Variants in WDR19 observed in about 807,000 individuals in gnomAD.
WDR19 encodes the protein WD repeat-containing protein 19.
In WDR19, 121 loss-of-function variants were observed where a neutral mutation model predicts 180.0. The ratio of observed to expected loss-of-function variants is 0.67; its 90% CI spans 0.58 to 0.78. The LOEUF (loss-of-function observed/expected upper bound fraction) is 0.78, where lower values mean the gene tolerates loss of function less well. Among genes scored for constraint, WDR19 ranks in the 30% least tolerant of loss-of-function variants. The pLI is 0.00. For synonymous variants in WDR19, 497 were observed against 540.7 expected (o/e 0.92, Z 1.12); for missense variants, 1,450 against 1,640.7 (o/e 0.88, Z 2.01).
At chr4:39,188,512 G>C (rs1437638913) in intron 3 of WDR19, among the ~76,000 whole-genome samples, 1 of 151,046 alleles carries the variant, frequency 6.6e-6, no homozygotes, top group African/African-American at 2.4e-5. Context: ...CCTGGAATTC[G>C]AGGTTATAGT....
chr4:39,197,390 C>T (rs1260583209), intron 5 of WDR19, among the ~76,000 whole-genome samples: 1 of 143,912 alleles, frequency 6.9e-6, no homozygotes, highest in Non-Finnish European at 1.5e-5. Context: ...TACACCACTG[C>T]ACTCCAGCCT....
chr4:39,236,983 A>C (rs1731448723), intron 20 of WDR19, among the ~76,000 whole-genome samples: 1 of 152,236 alleles, frequency 6.6e-6, no homozygotes, highest in Non-Finnish European at 1.5e-5. Context: ...CAATGCAAAT[A>C]TCTGCAGAGA....
chr4:39,240,815 G>A (rs945646207), intron 21 of WDR19, among the ~76,000 whole-genome samples: 1 of 151,788 alleles, frequency 6.6e-6, no homozygotes, highest in African/African-American at 2.4e-5. Context: ...AATTAGCCAG[G>A]CGTGGTGGTG....
At position 39,185,829 on chromosome 4, in the gene WDR19, A is replaced by G; in HGVS notation, c.98+12A>G. 1 of 1,543,388 alleles carries G rather than the reference A, an allele frequency of 6.5e-7. No individual in the cohort carries two copies. Among genetic ancestry groups the G allele is most frequent in the Non-Finnish European group, 8.8e-7 (1 of 1,139,902 alleles). ...CTTGCAGTAACAGGGTAAGAAACCA[A>G]TGAATGTTTTAAGCAGTGGTTGCAT... On this transcript the variant is annotated intron_variant, in intron 2 of 36. Transcript: ENST00000399820.
rs1241968985 is a variant in WDR19 at position 39,235,272 on chromosome 4, A to C, written c.2363+397A>C. Reference sequence around the variant, plus strand: ...TTCCTGAGTAGCTGGGACTATAGGCATGCACCACAAGGCCTGGCTAATTTT... The same window carrying C: ...TTCCTGAGTAGCTGGGACTATAGGCCTGCACCACAAGGCCTGGCTAATTTT... On this transcript the variant is annotated intron_variant, in intron 20 of 36. Coordinates refer to ENST00000399820, the MANE Select transcript of WDR19 (RefSeq NM_025132.4). 2.0e-5 allele frequency among the ~76,000 whole-genome samples: 3 copies of C among 152,058 alleles called. No homozygotes were observed. In the East Asian group the frequency reaches 5.8e-4, roughly 29 times the overall value.
chr4:39,217,617 T>G (rs1729196855), intron 13 of WDR19, among the ~76,000 whole-genome samples: 1 of 152,060 alleles, frequency 6.6e-6, no homozygotes, highest in South Asian at 2.1e-4. Context: ...GCATTTTGTG[T>G]GGGGGGGTCT....
intron 17 of WDR19, among the ~76,000 whole-genome samples, chr4:39,229,325 A>C (rs1730608708): frequency 6.6e-6 from 1 of 152,210 alleles, no homozygotes; most frequent in African/African-American, 2.4e-5. Context: ...TGGAGATAAC[A>C]GCACTTACCT....
intron 31 of WDR19, among the ~76,000 whole-genome samples, chr4:39,272,065 C>G (rs2109504575): frequency 6.6e-6 from 1 of 152,228 alleles, no homozygotes; most frequent in African/African-American, 2.4e-5. Context: ...AGTACACTTC[C>G]CTTCAGAGAG....
At position 39,205,158 on chromosome 4, in the gene WDR19, G is replaced by A; in HGVS notation, c.608G>A (p.Ser203Asn). Residue 203 changes from serine to asparagine, a missense_variant, in exon 8 of 37, where the codon AGT becomes AAT. Coordinates refer to ENST00000399820, the MANE Select transcript of WDR19 (RefSeq NM_025132.4). ...TCTCCTAATCTTTTCTGGCAGATAA[G>A]TGTGGTGCTTGGCAAGAAAACTTTG... ...DRTSAAESMISVVLGKKTLFF... is the reference protein window; with the variant it reads ...DRTSAAESMINVVLGKKTLFF... 1 of 1,580,032 alleles carries A rather than the reference G, an allele frequency of 6.3e-7. No individual in the cohort carries two copies. Among genetic ancestry groups the A allele is most frequent in the Non-Finnish European group, 8.6e-7 (1 of 1,161,246 alleles).
At chr4:39,275,073 C>G (rs1383204754) in intron 33 of WDR19, 115 bp downstream of exon 33, 2 of 1,294,468 alleles carry the variant, frequency 1.5e-6, no homozygotes, top group African/African-American at 2.9e-5. Flanking sequence ...GGTGCAGTGG[C>G]TCACACCTAT....
At chr4:39,235,444 A>G (rs554893577) in intron 20 of WDR19, among the ~76,000 whole-genome samples, 1 of 152,212 alleles carries the variant, frequency 6.6e-6, no homozygotes, top group African/African-American at 2.4e-5. Flanking sequence ...TATTATTTTT[A>G]ATCACATGTG....
At chr4:39,209,653 T>C (rs1464162441) in intron 9 of WDR19, among the ~76,000 whole-genome samples, 2 of 147,880 alleles carry the variant, frequency 1.4e-5, no homozygotes, top group African/African-American at 2.5e-5. Flanking sequence ...CAGAGGTTGC[T>C]GTGAGCCAAG....
In WDR19 at chr4:39,257,476, C is replaced by A. The variant is rs775640673; in HGVS notation, c.3115-10C>A. 6.4e-7 allele frequency: 1 copy of A among 1,569,358 alleles called. No individual in the cohort carries two copies. Among genetic ancestry groups the A allele is most frequent in the Non-Finnish European group, 8.6e-7 (1 of 1,156,346 alleles). ...CTGAAAATTTTTAATTGCTGTAATT[C>A]GCTTTTCAGGCACTTAAACACTTCC... On this transcript the variant is annotated splice_polypyrimidine_tract_variant and intron_variant, in intron 27 of 36. Transcript: ENST00000399820.
chr4:39,238,677 C>T (rs1298801884), intron 20 of WDR19, among the ~76,000 whole-genome samples: 1 of 152,186 alleles, frequency 6.6e-6, no homozygotes, highest in East Asian at 1.9e-4. Context: ...TGCAGAACAG[C>T]TTCTTTTCCA....
chr4:39,284,681 C>G (rs1419121101), intron 36 of WDR19, among the ~76,000 whole-genome samples: 2 of 150,610 alleles, frequency 1.3e-5, no homozygotes, highest in Admixed American at 6.6e-5. Flanking sequence ...AGATTTTGTC[C>G]CAAGTTTATA....
chr4:39,186,857 T>G (rs1039631704), intron 3 of WDR19, among the ~76,000 whole-genome samples: 1 of 152,164 alleles, frequency 6.6e-6, no homozygotes, highest in African/African-American at 2.4e-5. Context: ...GTGAAAGAAT[T>G]AGAGTCCACA....
At chr4:39,208,305 T>C (rs2109307084) in intron 9 of WDR19, among the ~76,000 whole-genome samples, 2 of 4,670 alleles carry the variant, frequency 4.3e-4, no homozygotes, top group Middle Eastern at 0.33. Flanking sequence ...CTGAGTGGAT[T>C]TTTTTTTTTT....
chr4:39,244,371 A>G lies in WDR19; in HGVS notation c.2545A>G (p.Ile849Val), dbSNP rs1732282469. ...GGTCCTTAAAAGAGACTGTGGAGCC[A>G]TATTGGAGAATATGAAGGTCCTCTT... ...SRVLKRDCGA[I>V]LENMKQFSEA... The change falls in exon 22 of 37, where the codon ATA (isoleucine) becomes GTA (valine). Residue 849 changes from isoleucine (I) to valine (V), a missense_variant. By Grantham distance (29) the Ile-to-Val change is conservative. Transcript: ENST00000399820. 1.2e-6 allele frequency: 2 copies of G among 1,614,016 alleles called. No homozygotes were observed. Among genetic ancestry groups the G allele is most frequent in the Non-Finnish European group, 1.7e-6 (2 of 1,179,868 alleles).
At chr4:39,183,398 T>A (rs910997492) in intron 1 of WDR19, among the ~76,000 whole-genome samples, 3 of 151,832 alleles carry the variant, frequency 2.0e-5, no homozygotes, top group Non-Finnish European at 4.4e-5. Flanking sequence ...TACAGGCGCG[T>A]GCCACCACAC....
Sources: gnomAD v4.1 joint callset for allele counts (sites outside exome capture counted in the v4.1 genomes callset) on GRCh38, gnomAD v4.1.1 for gene constraint, MANE v1.5 for transcripts, NCBI Gene and HGNC (gene_info 2026-07-23, HGNC 2026-07-21) for gene names.